Variants in KAZN observed in about 807,000 individuals in gnomAD.
The protein encoded by KAZN is kazrin, periplakin interacting protein.
In KAZN, 40 loss-of-function variants were observed where a neutral mutation model predicts 87.4. The observed-to-expected ratio is 0.46, with a 90% CI of 0.36 to 0.60. The LOEUF is 0.60. Among genes scored for constraint, KAZN ranks in the 20% least tolerant of loss-of-function variants. The pLI is 0.00. For missense variants in KAZN, 898 were observed against 1,073.9 expected (o/e 0.84, Z 2.29); for synonymous variants, 466 against 458.3 (o/e 1.02, Z -0.22).
intron 2 of KAZN, among the ~76,000 whole-genome samples, chr1:14,382,943 A>G (rs577117217): frequency 3.4e-3 from 513 of 151,514 alleles, no homozygotes; most frequent in African/African-American, 0.012. Context: ...CAACGGTGTA[A>G]AAGTGTTCCT....
At chr1:14,903,464 T>G (rs1656160141) in intron 1 of KAZN, among the ~76,000 whole-genome samples, 1 of 152,158 alleles carries the variant, frequency 6.6e-6, no homozygotes, top group Admixed American at 6.5e-5. Flanking sequence ...TGGGGTACTC[T>G]TCCTTTAGCC....
chr1:14,422,107 T>G (rs1274618724), intron 2 of KAZN, among the ~76,000 whole-genome samples: 1 of 152,256 alleles, frequency 6.6e-6, no homozygotes, highest in Admixed American at 6.5e-5. Context: ...AGGAGCCTGG[T>G]CAGCCAATGT....
chr1:14,842,208 T>C (rs1197943250), intron 1 of KAZN, among the ~76,000 whole-genome samples: 1 of 152,284 alleles, frequency 6.6e-6, no homozygotes, highest in Non-Finnish European at 1.5e-5. Flanking sequence ...CACTCTTTTA[T>C]ACCCAGCACT....
intron 4 of KAZN, among the ~76,000 whole-genome samples, chr1:15,046,293 G>A (rs1296781397): frequency 2.6e-4 from 12 of 45,684 alleles, no homozygotes; most frequent in African/African-American, 6.8e-4. Context: ...GCAAGACTCC[G>A]TCTCAAAAAA....
chr1:14,413,245 C>A (rs577339737), intron 2 of KAZN, among the ~76,000 whole-genome samples: 1 of 151,560 alleles, frequency 6.6e-6, no homozygotes, highest in Non-Finnish European at 1.5e-5. Flanking sequence ...TTTTTCCATA[C>A]GGAAAATAAT....
At chr1:14,613,231 G>T (rs980088723) in intron 1 of KAZN, among the ~76,000 whole-genome samples, 2 of 152,208 alleles carry the variant, frequency 1.3e-5, no homozygotes, top group Non-Finnish European at 2.9e-5. Context: ...CCAAAGGGAA[G>T]GGTACAGACT....
chr1:15,021,491 G>T lies in KAZN; in HGVS notation c.419-13258G>T, dbSNP rs1015104381. Among the ~76,000 whole-genome samples the T allele has an allele frequency of 3.9e-5, 6 of 152,088 alleles. No homozygotes were observed. The highest frequency in any genetic ancestry group is 1.4e-4 in the African/African-American group (6 of 41,418). On this transcript the variant is annotated intron_variant, in intron 2 of 14. Coordinates refer to ENST00000376030, the MANE Select transcript of KAZN (RefSeq NM_201628.3). This position sits in a 1 kb window ranked among gnomAD's most constrained non-coding sequence, Gnocchi z 4.2. ...ACAAACACCACCCGCTCCCAGTCCC[G>T]GCCCCTCCCATTTCCCTCCTGCTGG...
At chr1:14,137,406 C>A (rs1645131553) in intron 1 of KAZN, among the ~76,000 whole-genome samples, 1 of 152,094 alleles carries the variant, frequency 6.6e-6, no homozygotes, top group South Asian at 2.1e-4. Context: ...ATCTACTGAC[C>A]AGAACCAGAG....
chr1:14,884,033 T>A (rs1426883716), intron 1 of KAZN, among the ~76,000 whole-genome samples: 1 of 152,164 alleles, frequency 6.6e-6, no homozygotes, highest in African/African-American at 2.4e-5. Context: ...ATTTTCCCCA[T>A]TTCACAGATG....
chr1:14,419,065 C>T (rs908181685), intron 2 of KAZN, among the ~76,000 whole-genome samples: 5 of 152,100 alleles, frequency 3.3e-5, no homozygotes, highest in Admixed American at 6.5e-5. Flanking sequence ...ATTTTTATTC[C>T]TATGTGAGCC....
intron 1 of KAZN, among the ~76,000 whole-genome samples, chr1:14,124,552 G>C (rs150993751): frequency 6.6e-6 from 1 of 152,210 alleles, no homozygotes; most frequent in Non-Finnish European, 1.5e-5. Context: ...ATAGACAATG[G>C]TGAAACCCAC....
rs181048935 is a variant in KAZN at position 14,198,720 on chromosome 1, G to A, written c.249+18128G>A. 3.9e-5 allele frequency among the ~76,000 whole-genome samples: 6 copies of A among 152,332 alleles called. No homozygotes were observed. The East Asian group carries it at 7.7e-4, about 20-fold the overall frequency. ...AATGTTTATAACTATTAATATGAAA[G>A]TGAGTATTGAGAACTTAAGTGTCCA... On this transcript the variant is annotated intron_variant, in intron 2 of 16. Coordinates refer to the KAZN transcript ENST00000636203.
At chr1:14,445,030 C>CT (rs34113310) in intron 2 of KAZN, among the ~76,000 whole-genome samples, 2,897 of 146,070 alleles carry the variant, frequency 0.02, 36 homozygotes, top group Middle Eastern at 0.032. Context: ...AACCCGTGTG[C>CT]TTTTTTTTTT....
chr1:13,924,569 C>T (rs1039428292), intron 1 of KAZN, among the ~76,000 whole-genome samples: 2 of 152,214 alleles, frequency 1.3e-5, no homozygotes, highest in African/African-American at 4.8e-5. Flanking sequence ...TCAGTCATCC[C>T]TGTGCTCACT....
chr1:14,079,814 A>T (rs567133908), intron 1 of KAZN, among the ~76,000 whole-genome samples: 2 of 152,186 alleles, frequency 1.3e-5, no homozygotes, highest in Admixed American at 6.5e-5. Context: ...TAGAGAACTC[A>T]TTCAATACTT....
intron 1 of KAZN, among the ~76,000 whole-genome samples, chr1:14,626,671 T>C (rs1225405430): frequency 2.0e-5 from 3 of 152,156 alleles, no homozygotes; most frequent in Non-Finnish European, 4.4e-5. Flanking sequence ...TGGTTCTCTG[T>C]GGTTCCAGAT....
At chr1:14,177,123 A>C (rs985481104) in intron 1 of KAZN, among the ~76,000 whole-genome samples, 1 of 152,100 alleles carries the variant, frequency 6.6e-6, no homozygotes, top group Non-Finnish European at 1.5e-5. Flanking sequence ...GAGCCACTGC[A>C]CTCGAGCCTG....
chr1:14,678,037 C>G (rs565008445), intron 1 of KAZN, among the ~76,000 whole-genome samples: 1 of 152,312 alleles, frequency 6.6e-6, no homozygotes, highest in East Asian at 1.9e-4. Flanking sequence ...GCAGAAGGGA[C>G]TGAGAGGCAA....
At chr1:14,999,604 T>C (rs976686050) in intron 2 of KAZN, among the ~76,000 whole-genome samples, 1 of 152,036 alleles carries the variant, frequency 6.6e-6, no homozygotes, top group African/African-American at 2.4e-5. Flanking sequence ...CCGATCCACT[T>C]GCAGATCAGA....
Sources: allele counts gnomAD v4.1 joint callset (sites outside exome capture counted in the v4.1 genomes callset), GRCh38; gene constraint gnomAD v4.1.1; non-coding constraint Gnocchi (gnomAD v3.1); transcripts MANE v1.5; gene names NCBI Gene and HGNC (gene_info 2026-07-23, HGNC 2026-07-21).